The following RAB3GAP1 variants were observed in gnomAD, a reference collection of about 807,000 sequenced individuals.
The protein encoded by RAB3GAP1 is rab3 GTPase-activating protein catalytic subunit.
A neutral mutation model predicts 130.7 loss-of-function variants in RAB3GAP1; 86 were observed. The ratio of observed to expected loss-of-function variants is 0.66; its 90% CI spans 0.55 to 0.79. The LOEUF is 0.79. Among genes scored for constraint, RAB3GAP1 ranks in the 30% least tolerant of loss-of-function variants. The pLI is 0.00. For missense variants in RAB3GAP1, 1,029 were observed against 1,169.4 expected, an observed-to-expected ratio of 0.88 and a Z score of 1.75; for synonymous variants, 367 against 401.7, an observed-to-expected ratio of 0.91 and a Z score of 1.03.
At chr2:135,098,428 T>C (rs1690360818) in intron 5 of RAB3GAP1, among the ~76,000 whole-genome samples, 1 of 152,200 alleles carries the variant, frequency 6.6e-6, no homozygotes, top group Non-Finnish European at 1.5e-5. Flanking sequence ...TGAATGAAGT[T>C]CAGTTTTATC....
chr2:135,135,351 G>A, intron 16 of RAB3GAP1, 32 bp downstream of exon 16: 1 of 1,554,920 alleles, frequency 6.4e-7, no homozygotes. Context: ...GGATAAATGT[G>A]GTCTTGATTT....
Position 135,153,863 on chromosome 2 carries a change from G to A in RAB3GAP1, c.2276G>A (p.Arg759Gln), listed in dbSNP as rs770824821. The change falls in exon 19 of 24, where the codon CGG becomes CAG. Residue 759 changes from arginine to glutamine, a missense_variant. This residue lies in a region of RAB3GAP1 where 373 missense variants were observed against 493.6 expected (regional missense o/e 0.76). Coordinates refer to ENST00000264158, the MANE Select transcript of RAB3GAP1 (RefSeq NM_012233.3). ...RRQRRLFDDT[R>Q]EAEKVLHYLA... ...CAAAGGAGACTCTTTGATGATACAC[G>A]GGAAGCAGAAAAGGTAATTGAGGTT... is the stretch of plus-strand genomic sequence containing the variant. 6.8e-6 allele frequency: 11 copies of A among 1,613,518 alleles called. No individual in the cohort carries two copies. Among genetic ancestry groups the A allele is most frequent in the African/African-American group, 1.3e-5 (1 of 74,878 alleles).
intron 2 of RAB3GAP1, among the ~76,000 whole-genome samples, chr2:135,055,625 C>G (rs115743112): frequency 0.028 from 4,129 of 149,030 alleles, 89 homozygotes; most frequent in Admixed American, 0.041. Context: ...CTGCAGTGAG[C>G]TGTGATTACA....
intron 4 of RAB3GAP1, 46 bp from the exon 5 acceptor site, chr2:135,093,569 C>T: frequency 7.0e-7 from 1 of 1,418,476 alleles, no homozygotes; most frequent in African/African-American, 1.4e-5. Context: ...AAAACTCTGC[C>T]TGATCATGAA....
chr2:135,090,883 A>T (rs563872769), intron 3 of RAB3GAP1, 115 bp from the exon 4 acceptor site: 1 of 840,738 alleles, frequency 1.2e-6, no homozygotes, highest in East Asian at 2.6e-5. Context: ...TTTTTCTTTG[A>T]TTGTATGGAG....
intron 17 of RAB3GAP1, among the ~76,000 whole-genome samples, chr2:135,149,383 A>G (rs1692099490): frequency 6.6e-6 from 1 of 152,210 alleles, no homozygotes; most frequent in African/African-American, 2.4e-5. Context: ...TCTATCGAGC[A>G]TGTGCCAGGA....
intron 3 of RAB3GAP1, among the ~76,000 whole-genome samples, chr2:135,081,561 A>G (rs1017078436): frequency 2.0e-5 from 3 of 151,438 alleles, no homozygotes; most frequent in Admixed American, 1.3e-4. Flanking sequence ...AGCAGACCAG[A>G]TATCTGTTGG....
intron 3 of RAB3GAP1, among the ~76,000 whole-genome samples, chr2:135,079,590 A>C (rs1279648539): frequency 2.0e-5 from 3 of 152,158 alleles, no homozygotes; most frequent in Non-Finnish European, 4.4e-5. Context: ...TTTGCTGTTC[A>C]ATTTCCTGCC....
intron 22 of RAB3GAP1, 132 bp downstream of exon 22, chr2:135,163,233 G>C (rs1692521727): frequency 1.4e-6 from 1 of 733,758 alleles, no homozygotes. Flanking sequence ...ATTGTCTAGA[G>C]ACAGAAATAA....
intron 3 of RAB3GAP1, among the ~76,000 whole-genome samples, chr2:135,079,370 C>T (rs542635142): frequency 6.6e-6 from 1 of 152,218 alleles, no homozygotes; most frequent in East Asian, 1.9e-4. Flanking sequence ...TGTTTTTCTC[C>T]TTCTAGTGTG....
intron 17 of RAB3GAP1, among the ~76,000 whole-genome samples, chr2:135,138,281 CA>C (rs755492320): frequency 0.056 from 6,065 of 107,462 alleles, 132 homozygotes; most frequent in African/African-American, 0.066. Flanking sequence ...CTATTTCTAC[CA>C]AAAAAAAAAA....
chr2:135,111,535 C>G (rs1165920960), intron 5 of RAB3GAP1, among the ~76,000 whole-genome samples: 2 of 152,126 alleles, frequency 1.3e-5, no homozygotes, highest in Non-Finnish European at 1.5e-5. Flanking sequence ...CACAAGAATT[C>G]TTTAATTAGG....
downstream of RAB3GAP1, among the ~76,000 whole-genome samples, chr2:135,171,256 C>T (rs1033912433): frequency 2.6e-5 from 4 of 152,104 alleles, no homozygotes; most frequent in East Asian, 1.9e-4. Context: ...CCAAGAAGTT[C>T]GGGGGAAGCC....
At chr2:135,113,997 G>A (rs539032821) in intron 6 of RAB3GAP1, among the ~76,000 whole-genome samples, 144 of 152,224 alleles carry the variant, frequency 9.5e-4, no homozygotes, top group African/African-American at 3.3e-3. Context: ...TGATCCGCCC[G>A]CCGCGGCCTT....
chr2:135,068,721 C>T (rs1433967612), intron 3 of RAB3GAP1, among the ~76,000 whole-genome samples: 2 of 152,166 alleles, frequency 1.3e-5, no homozygotes, highest in East Asian at 3.8e-4. Context: ...CCACTGTACT[C>T]CTGCCTCGGT....
intron 6 of RAB3GAP1, 81 bp from the exon 7 acceptor site, chr2:135,115,135 A>G: frequency 7.2e-7 from 1 of 1,380,394 alleles, no homozygotes; most frequent in Non-Finnish European, 1.0e-6. Context: ...CTTGAGATTA[A>G]AATAATTTGG....
At chr2:135,174,936 G>T (rs1308214679), downstream of RAB3GAP1, among the ~76,000 whole-genome samples, 1 of 152,192 alleles carries the variant, frequency 6.6e-6, no homozygotes, top group Non-Finnish European at 1.5e-5. Flanking sequence ...GCCCTATCCT[G>T]CCCTGTCCCA....
At chr2:135,157,570 C>T (rs1029007599) in intron 19 of RAB3GAP1, among the ~76,000 whole-genome samples, 1 of 152,086 alleles carries the variant, frequency 6.6e-6, no homozygotes, top group Admixed American at 6.5e-5. Context: ...GCTGGTGGCT[C>T]ATGCCTGTAA....
Position 135,134,032 on chromosome 2 carries a change from G to T in RAB3GAP1, c.1498G>T (p.Gly500Ter). The T allele has an allele frequency of 6.2e-7, 1 of 1,613,672 alleles. No individual in the cohort carries two copies. The highest frequency in any genetic ancestry group is 8.5e-7 in the Non-Finnish European group (1 of 1,179,716). The change falls in exon 15 of 24, where the codon GGA becomes TGA. Residue 500 changes from glycine (G) to a stop codon, truncating the protein, a stop_gained and splice_region_variant. Transcript: ENST00000264158. LOFTEE classifies it high-confidence loss of function. ...FRWENNFLIP[G>*]LASGPPDLRC... ...ATGGGAAAACAACTTTCTGATTCCA[G>T]GGTAATAATTTCAATTTTCAATTGT... is the stretch of plus-strand genomic sequence containing the variant.
Sources: allele counts gnomAD v4.1 joint callset (sites outside exome capture counted in the v4.1 genomes callset), GRCh38; gene constraint gnomAD v4.1.1; regional missense constraint gnomAD v4.1.1; transcripts MANE v1.5; gene names NCBI Gene and HGNC (gene_info 2026-07-23, HGNC 2026-07-21).